The following CPB1 variants were observed in gnomAD, a reference collection of about 807,000 sequenced individuals.
The protein encoded by CPB1 is carboxypeptidase B1.
Under a neutral mutation model 51.4 loss-of-function variants are expected in CPB1, and 53 were observed. That is an observed-to-expected ratio of 1.03 (90% CI 0.83 to 1.30). The LOEUF (loss-of-function observed/expected upper bound fraction) is 1.30, where lower values mean the gene tolerates loss of function less well. CPB1 is among the 50% of genes most tolerant of loss of function. CPB1 has a pLI of 0.00. For synonymous variants in CPB1, 189 were observed against 186.9 expected, an observed-to-expected ratio of 1.01 and a Z score of -0.09; for missense variants, 494 against 516.2, an observed-to-expected ratio of 0.96 and a Z score of 0.42.
At chr3:148,856,453 T>C (rs1713570141) in intron 9 of CPB1, 1 of 152,236 alleles carries the variant, frequency 6.6e-6, no homozygotes, top group African/African-American at 2.4e-5. Context: ...AAAAATCATA[T>C]TATTCTGATT....
At position 148,840,992 on chromosome 3, in the gene CPB1, A is replaced by G. The variant is rs1713059414; in HGVS notation, c.474+17A>G. 1.2e-6 allele frequency: 2 copies of G among 1,601,444 alleles called. No individual in the cohort carries two copies. The highest frequency in any genetic ancestry group is 1.7e-6 in the Non-Finnish European group (2 of 1,169,054). On this transcript the variant is annotated intron_variant, in intron 5 of 10. Coordinates refer to ENST00000282957, the MANE Select transcript of CPB1 (RefSeq NM_001871.3). The stretch of plus-strand genomic sequence containing the variant: ...CTCCTGAAGGTAATCATTTTTAACC[A>G]TGACCTTGCCATGTCTGAGGGCTTT...
At chr3:148,854,810 A>G (rs1449549126) in intron 9 of CPB1, 1 of 152,260 alleles carries the variant, frequency 6.6e-6, no homozygotes, top group Non-Finnish European at 1.5e-5. Flanking sequence ...TATAGCATAC[A>G]GTGAACCCTG....
At chr3:148,847,398 A>G (rs6776774) in intron 9 of CPB1, among the ~76,000 whole-genome samples, 70,349 of 128,240 alleles carry the variant, frequency 0.55, 18,324 homozygotes, top group African/African-American at 0.63. Context: ...AAAAAAAAAG[A>G]CAAGTAAGTC....
rs554235912 is a variant in CPB1, at chr3:148,835,912, C to A, written c.272+1290C>A. Reference sequence around the variant, plus strand: ...AGGAGAAGTGGGTAGCATAGTGCAACAAGTAAAGGCTTTGGGAAAAAAACA... The same window carrying A: ...AGGAGAAGTGGGTAGCATAGTGCAAAAAGTAAAGGCTTTGGGAAAAAAACA... On this transcript the variant is annotated intron_variant, in intron 3 of 10. Coordinates refer to ENST00000282957, the MANE Select transcript of CPB1 (RefSeq NM_001871.3). 2.0e-5 allele frequency among the ~76,000 whole-genome samples: 3 copies of A among 152,196 alleles called. No homozygotes were observed. The South Asian group carries it at 6.2e-4, about 32-fold the overall frequency.
At chr3:148,852,233 C>T (rs907115166) in intron 9 of CPB1, among the ~76,000 whole-genome samples, 2 of 152,126 alleles carry the variant, frequency 1.3e-5, no homozygotes, top group Non-Finnish European at 2.9e-5. Context: ...TTCTAGTTTA[C>T]CATAACTAAA....
chr3:148,828,552 GA>G (rs1404876097), intron 2 of CPB1, among the ~76,000 whole-genome samples: 3 of 152,128 alleles, frequency 2.0e-5, no homozygotes, highest in African/African-American at 2.4e-5. Context: ...GATATGACGT[GA>G]GGGGGAAAAA....
chr3:148,834,535 A>T lies in CPB1; in HGVS notation c.185A>T (p.Lys62Ile). 1 of 1,613,768 alleles carries T rather than the reference A, an allele frequency of 6.2e-7. No homozygotes were observed. Among genetic ancestry groups the T allele is most frequent in the Non-Finnish European group, 8.5e-7 (1 of 1,179,658 alleles). The change falls in exon 3 of 11, where the codon AAA becomes ATA. Residue 62 changes from lysine to isoleucine, a missense_variant. Coordinates refer to ENST00000282957, the MANE Select transcript of CPB1 (RefSeq NM_001871.3). ...FWKPDSVTQI[K>I]PHSTVDFRVK... ...AAGCCAGATTCTGTCACACAAATCA[A>T]ACCTCACAGTACAGTTGACTTCCGT... is the stretch of plus-strand genomic sequence containing the variant.
intron 2 of CPB1, 149 bp from the exon 3 acceptor site, chr3:148,834,349 C>A: frequency 2.7e-6 from 2 of 741,806 alleles, no homozygotes; most frequent in Non-Finnish European, 4.5e-6. Flanking sequence ...TGGTTCCAAC[C>A]CTTGTTCACT....
intron 9 of CPB1, among the ~76,000 whole-genome samples, chr3:148,850,629 C>T (rs1713399993): frequency 1.3e-5 from 2 of 152,142 alleles, no homozygotes; most frequent in South Asian, 4.1e-4. Flanking sequence ...AGATAGAAGT[C>T]CACTGCTCTC....
At chr3:148,834,650 A>G (rs762857251) in intron 3 of CPB1, 28 bp downstream of exon 3, 24 of 1,586,624 alleles carry the variant, frequency 1.5e-5, no homozygotes, top group Non-Finnish European at 1.9e-5. Flanking sequence ...AAATATTAAA[A>G]TTCTCTCCCA....
Position 148,854,126 on chromosome 3 carries a change from T to G in CPB1, c.982-3331T>G, listed in dbSNP as rs570414993. The stretch of plus-strand genomic sequence containing the variant: ...AGGGAAAAGAGTTACCACTCTAAAT[T>G]GTAGCAAATGCAAGAATTACCTTTC... On this transcript the variant is annotated intron_variant, in intron 9 of 10. Transcript: ENST00000282957. The G allele has an allele frequency of 3.9e-5, 6 of 152,018 alleles. No homozygotes were observed. In the South Asian group the frequency reaches 1.2e-3, roughly 31 times the overall value. 9.4% of individuals were successfully genotyped at this position (152,018 alleles called of 1,614,324 possible). A position where few individuals can be genotyped will look rare whatever the true frequency, so the allele number is the denominator to read the frequency against.
Position 148,859,923 on chromosome 3 carries a change from C to G in CPB1, c.1175C>G (p.Ser392Cys). Reference protein sequence around the residue: ...TGRYGFLLPESQIRATCEETF... With the variant: ...TGRYGFLLPECQIRATCEETF... Reference sequence around the variant, plus strand: ...AGATATGGCTTTCTCCTTCCAGAATCCCAGATCCGGGCTACCTGCGAGGAG... The same window carrying G: ...AGATATGGCTTTCTCCTTCCAGAATGCCAGATCCGGGCTACCTGCGAGGAG... Residue 392 changes from serine (S) to cysteine (C), a missense_variant, in exon 11 of 11, where the codon TCC becomes TGC. Transcript: ENST00000282957. 6.2e-7 allele frequency: 1 copy of G among 1,614,148 alleles called. No homozygotes were observed. Among genetic ancestry groups the G allele is most frequent in the Non-Finnish European group, 8.5e-7 (1 of 1,180,010 alleles).
chr3:148,851,764 G>A (rs1713438990), intron 9 of CPB1: 1 of 152,316 alleles, frequency 6.6e-6, no homozygotes, highest in East Asian at 1.9e-4. Context: ...AAGTAGAAGA[G>A]GGTCATCCTG....
In CPB1 at chr3:148,859,807, C is replaced by T. The variant is rs1388886292; in HGVS notation, c.1067-8C>T. ...AAGTTTTTTTTCACTGCTGTTTGCA[C>T]ATTTCAGATCCTGCTGCTGGGGGCT... On this transcript the variant is annotated splice_region_variant and splice_polypyrimidine_tract_variant and intron_variant, in intron 10 of 10. Transcript: ENST00000282957. The T allele has an allele frequency of 1.2e-6, 2 of 1,603,674 alleles. No individual in the cohort carries two copies. The highest frequency in any genetic ancestry group is 1.1e-5 in the South Asian group (1 of 89,376).
Position 148,860,066 on chromosome 3 carries a change from T to C in CPB1, c.*64T>C. On this transcript the variant is annotated 3_prime_UTR_variant, in exon 11 of 11. Coordinates refer to ENST00000282957, the MANE Select transcript of CPB1 (RefSeq NM_001871.3). The stretch of plus-strand genomic sequence containing the variant: ...TTCATTTCTTTTCTTTCTTGAATTC[T>C]TATTTTGGTTTGCCTGGATGTTTTG... 6.6e-7 allele frequency: 1 copy of C among 1,520,924 alleles called. No homozygotes were observed. The highest frequency in any genetic ancestry group is 1.4e-5 in the African/African-American group (1 of 72,402). The allele number at this position is 1,520,924 out of a possible 1,614,324, so 94.2% of individuals were successfully genotyped here. A position where few individuals can be genotyped will look rare whatever the true frequency, so the allele number is the denominator to read the frequency against.
rs768868275 is a variant in CPB1, at chr3:148,828,061, T to C, written c.131T>C (p.Leu44Ser). ...AATCACATTAACATAATCCGCGAGT[T>C]GGCCAGCACGACCCAGGTAAGTAAC... ...DENHINIIRE[L>S]ASTTQIDFWK... The change falls in exon 2 of 11, where the codon TTG becomes TCG. Residue 44 changes from leucine (L) to serine (S), a missense_variant. Coordinates refer to ENST00000282957, the MANE Select transcript of CPB1 (RefSeq NM_001871.3). 2.4e-5 allele frequency: 38 copies of C among 1,613,866 alleles called. No individual in the cohort carries two copies. The African/African-American group carries it at 5.1e-4, about 22-fold the overall frequency.
rs1712616488 is a variant in CPB1, at chr3:148,827,851, G to A, written c.28G>A (p.Val10Met). MLALLVLVTVALASAHHGGE... is the reference protein window; with the variant it reads MLALLVLVTMALASAHHGGE... ...GTTGGCACTCTTGGTTCTGGTGACT[G>A]TGGCCCTGGCATCTGCTCATCATGG... Residue 10 changes from valine to methionine, a missense_variant, in exon 1 of 11, where the codon GTG (valine) becomes ATG (methionine). By Grantham distance (21) the Val-to-Met change is conservative (BLOSUM62 1). Coordinates refer to ENST00000282957, the MANE Select transcript of CPB1 (RefSeq NM_001871.3). The A allele has an allele frequency of 1.9e-6, 3 of 1,614,210 alleles. No homozygotes were observed. Among genetic ancestry groups the A allele is most frequent in the Non-Finnish European group, 2.5e-6 (3 of 1,180,038 alleles).
At chr3:148,857,741 AAAAAAATT>A in intron 10 of CPB1, 200 bp downstream of exon 10, 1 of 477,248 alleles carries the variant, frequency 2.1e-6, no homozygotes, top group Non-Finnish European at 3.7e-6. Flanking sequence ...CTTTTCTCTA[AAAAAAATT>A]AAAAAATTAG....
intron 9 of CPB1, among the ~76,000 whole-genome samples, chr3:148,853,179 A>T (rs1275953692): frequency 6.6e-6 from 1 of 152,020 alleles, no homozygotes; most frequent in Non-Finnish European, 1.5e-5. Flanking sequence ...TCTACAGAAA[A>T]TTTTCTTTAA....
Sources: allele counts gnomAD v4.1 joint callset (sites outside exome capture counted in the v4.1 genomes callset), GRCh38; gene constraint gnomAD v4.1.1; transcripts MANE v1.5; gene names NCBI Gene and HGNC (gene_info 2026-07-23, HGNC 2026-07-21).